FLG: variants seen among roughly 807,000 people sequenced by gnomAD.
The protein encoded by FLG is filaggrin.
FLG carries 6 observed loss-of-function variants against 3.8 expected under a neutral mutation model. That is an observed-to-expected ratio of 1.60 (90% CI 0.87 to 3.15). The LOEUF (loss-of-function observed/expected upper bound fraction) is 3.15. Ranked by LOEUF, FLG falls within the 30% of genes most tolerant of loss-of-function variation. FLG has a pLI of 0.00. For synonymous variants in FLG, 2,551 were observed against 1,931.6 expected, an observed-to-expected ratio of 1.32 and a Z score of -8.41; for missense variants, 7,595 against 5,050.9, an observed-to-expected ratio of 1.50 and a Z score of -15.27.
Position 152,314,620 on chromosome 1 carries a change from G to A in FLG, c.266C>T (p.Thr89Ile), listed in dbSNP as rs1252268984. Residue 89 changes from threonine (T) to isoleucine (I), a missense_variant, in exon 3 of 3, where the codon ACC becomes ATC. Coordinates refer to ENST00000368799, the MANE Select transcript of FLG (RefSeq NM_002016.2). ...TGATATCGGTAAATTCTCTTTTCTG[G>A]TAGACTCATAATATGCTTGAGCCAA... Reference protein sequence around the residue: ...FKLAQAYYESTRKENLPISGH... With the variant: ...FKLAQAYYESIRKENLPISGH... The A allele has an allele frequency of 1.2e-6, 2 of 1,613,706 alleles. No homozygotes were observed. The highest frequency in any genetic ancestry group is 4.5e-5 in the East Asian group (2 of 44,842).
rs1161530805 is a variant in FLG, at chr1:152,309,430, G to A, written c.5456C>T (p.Ser1819Leu). 1.2e-6 allele frequency: 2 copies of A among 1,613,338 alleles called. No individual in the cohort carries two copies. The highest frequency in any genetic ancestry group is 3.3e-5 in the Admixed American group (2 of 59,932). Residue 1819 changes from serine (S) to leucine (L), a missense_variant, in exon 3 of 3, where the codon TCA (serine) becomes TTA (leucine). Ser to Leu is a moderately radical substitution (Grantham distance 145). Coordinates refer to ENST00000368799, the MANE Select transcript of FLG (RefSeq NM_002016.2). ...GQDTIRGHPGSSRGGRQGSHY... is the reference protein window; with the variant it reads ...GQDTIRGHPGLSRGGRQGSHY... Reference sequence around the variant, plus strand: ...GGATCCCTGCCTTCCTCCTCTGCTTGACCCTGGGTGTCCACGAATGGTGTC... The same window carrying A: ...GGATCCCTGCCTTCCTCCTCTGCTTAACCCTGGGTGTCCACGAATGGTGTC...
In FLG at chr1:152,309,743, T is replaced by A. The variant is rs1489237122; in HGVS notation, c.5143A>T (p.Ser1715Cys). The A allele has an allele frequency of 6.2e-7, 1 of 1,614,066 alleles. No homozygotes were observed. Among genetic ancestry groups the A allele is most frequent in the Non-Finnish European group, 8.5e-7 (1 of 1,180,000 alleles). The change falls in exon 3 of 3, where the codon AGT becomes TGT. Residue 1715 changes from serine to cysteine, a missense_variant. Transcript: ENST00000368799. ...VVGDSGNRGS[S>C]GSQASDSEGH... ...TCGCTGTCACTGGCCTGGCTACCAC[T>A]GGACCCTCGGTTTCCACTGTCTCCG... is the stretch of plus-strand genomic sequence containing the variant.
In FLG at chr1:152,314,149, G is replaced by T. The variant is rs368478141; in HGVS notation, c.737C>A (p.Thr246Asn). The part of the protein sequence containing the change: ...YYTIQDEAYD[T>N]TDSLLEENKI... ...GTTTTCTTCTAATAGACTATCAGTGGTGTCATAGGCTTCATCCTGGATTGT... is the reference window on the plus strand; with the variant it reads ...GTTTTCTTCTAATAGACTATCAGTGTTGTCATAGGCTTCATCCTGGATTGT... Residue 246 changes from threonine to asparagine, a missense_variant, in exon 3 of 3, where the codon ACC becomes AAC. By Grantham distance (65) the Thr-to-Asn change is moderately conservative (BLOSUM62 0). Coordinates refer to ENST00000368799, the MANE Select transcript of FLG (RefSeq NM_002016.2). 1.9e-6 allele frequency: 3 copies of T among 1,614,146 alleles called. No individual in the cohort carries two copies. The highest frequency in any genetic ancestry group is 2.5e-6 in the Non-Finnish European group (3 of 1,180,008).
chr1:152,314,354 G>T lies in FLG; in HGVS notation c.532C>A (p.His178Asn), dbSNP rs1322006717. 2 of 1,612,198 alleles carry T rather than the reference G, an allele frequency of 1.2e-6. No individual in the cohort carries two copies. Among genetic ancestry groups the T allele is most frequent in the East Asian group, 2.2e-5 (1 of 44,816 alleles). ...HREEEYGKNHHNSSKKEKNKT... is the reference protein window; with the variant it reads ...HREEEYGKNHNNSSKKEKNKT... ...TTTTTCTCTTTTTTACTTGAGTTAT[G>T]ATGGTTTTTTCCATATTCTTCTTCT... The change falls in exon 3 of 3, where the codon CAT (histidine) becomes AAT (asparagine). Residue 178 changes from histidine to asparagine, a missense_variant. Physicochemically the swap from His to Asn is moderately conservative, Grantham distance 68. Coordinates refer to ENST00000368799, the MANE Select transcript of FLG (RefSeq NM_002016.2).
chr1:152,304,504 C>T lies in FLG; in HGVS notation c.10382G>A (p.Gly3461Glu). The T allele has an allele frequency of 6.2e-7, 1 of 1,612,834 alleles. No homozygotes were observed. Among genetic ancestry groups the T allele is most frequent in the Non-Finnish European group, 8.5e-7 (1 of 1,179,650 alleles). ...EQSVDRSGHS[G>E]SHHSHTTSQG... The stretch of plus-strand genomic sequence containing the variant: ...GGATGTGGTGTGGCTGTGATGGGAC[C>T]CTGAGTGTCCAGACCTATCTACCGA... The change falls in exon 3 of 3, where the codon GGG (glycine) becomes GAG (glutamate). Residue 3461 changes from glycine (G) to glutamate (E), a missense_variant. Transcript: ENST00000368799.
In FLG at chr1:152,302,620, A is replaced by G. The variant is rs1239653793; in HGVS notation, c.*80T>C. 6.4e-7 allele frequency: 1 copy of G among 1,555,684 alleles called. No individual in the cohort carries two copies. Among genetic ancestry groups the G allele is most frequent in the African/African-American group, 1.4e-5 (1 of 73,176 alleles). On this transcript the variant is annotated 3_prime_UTR_variant, in exon 3 of 3. Transcript: ENST00000368799. ...TGACAGGAAAAGATAACTTCCCTGA[A>G]AGTATTATGAAGTTTCTTGATTGAA...
In FLG at chr1:152,312,122, T is replaced by C; in HGVS notation, c.2764A>G (p.Ile922Val). Residue 922 changes from isoleucine (I) to valine (V), a missense_variant, in exon 3 of 3, where the codon ATC becomes GTC. Ile to Val is a conservative substitution (Grantham distance 29). Coordinates refer to ENST00000368799, the MANE Select transcript of FLG (RefSeq NM_002016.2). ...TGGCCTGCCTGTGAGTGTCTAGAGA[T>C]GTCGGCATGAGAGGAAGCTTCATGG... is the stretch of plus-strand genomic sequence containing the variant. Reference protein sequence around the residue: ...RHHEASSHADISRHSQAGQGQ... With the variant: ...RHHEASSHADVSRHSQAGQGQ... The C allele has an allele frequency of 1.2e-6, 2 of 1,614,104 alleles. No individual in the cohort carries two copies. Among genetic ancestry groups the C allele is most frequent in the Non-Finnish European group, 1.7e-6 (2 of 1,180,016 alleles).
chr1:152,307,809 T>C lies in FLG; in HGVS notation c.7077A>G (p.Gly2359=). The change falls in exon 3 of 3, where the codon GGA becomes GGG. Residue 2359 remains glycine (G), a synonymous_variant. Coordinates refer to ENST00000368799, the MANE Select transcript of FLG (RefSeq NM_002016.2). ...CCTGACTACCACTGGACCCTCGGTGTCCACTGTCTCTGACTGCAGATGAAG... is the reference window on the plus strand; with the variant it reads ...CCTGACTACCACTGGACCCTCGGTGCCCACTGTCTCTGACTGCAGATGAAG... The part of the protein sequence containing the change: ...GQASSAVRDS[G]HRGSSGSQAS... 6.2e-7 allele frequency: 1 copy of C among 1,612,974 alleles called. No homozygotes were observed. The highest frequency in any genetic ancestry group is 8.5e-7 in the Non-Finnish European group (1 of 1,179,794).
In FLG at chr1:152,307,847, C is replaced by G. The variant is rs902235973; in HGVS notation, c.7039G>C (p.Gly2347Arg). 3 of 1,612,958 alleles carry G rather than the reference C, an allele frequency of 1.9e-6. No homozygotes were observed. The highest frequency in any genetic ancestry group is 1.3e-5 in the African/African-American group (1 of 74,396). ...ACTGCAGATGAAGCTTGTCCGTGCC[C>G]AATGCCTGAGTGTCTGGAGCTGTCT... ...SADSSRHSGI[G>R]HGQASSAVRD... is the part of the protein sequence containing the mutation. Residue 2347 changes from glycine to arginine, a missense_variant, in exon 3 of 3, where the codon GGG becomes CGG. By Grantham distance (125) the Gly-to-Arg change is moderately radical (BLOSUM62 -2). Transcript: ENST00000368799.
At chr1:152,319,887 GA>G (rs1652900931) in intron 1 of FLG, among the ~76,000 whole-genome samples, 1 of 151,294 alleles carries the variant, frequency 6.6e-6, no homozygotes, top group Non-Finnish European at 1.5e-5. Flanking sequence ...CATATGTGTG[GA>G]AAAATATAGC....
rs3126078 is a variant in FLG, at chr1:152,308,985, G to A, written c.5901C>T (p.His1967=). 1.6e-4 allele frequency: 261 copies of A among 1,614,066 alleles called. No individual in the cohort carries two copies. The Middle Eastern group carries it at 2.1e-3, about 13-fold the overall frequency. The change falls in exon 3 of 3, where the codon CAC becomes CAT. Residue 1967 remains histidine (H), a synonymous_variant. Coordinates refer to ENST00000368799, the MANE Select transcript of FLG (RefSeq NM_002016.2). ...GTCTGGAGCTGTCTGCAGAGTGCCC[G>A]TGACCGGCTCTGTCTTCGTGATGGG... The part of the protein sequence containing the change: ...PGSHHEDRAG[H]GHSADSSRQS...
rs373564521 is a variant in FLG at position 152,304,417 on chromosome 1, C to T, written c.10469G>A (p.Arg3490His). 46 of 1,609,956 alleles carry T rather than the reference C, an allele frequency of 2.9e-5. No homozygotes were observed. The highest frequency in any genetic ancestry group is 3.3e-4 in the Middle Eastern group (2 of 6,060). ...GCCATCTCCTGATTGTTCGTCATTA[C>T]GAGTTTGTCTGCTGGCACTTCTGGA... ...SGSRSASRQT[R>H]NDEQSGDGSR... The change falls in exon 3 of 3, where the codon CGT becomes CAT. Residue 3490 changes from arginine (R) to histidine (H), a missense_variant. Transcript: ENST00000368799.
At position 152,312,250 on chromosome 1, in the gene FLG, C is replaced by A. The variant is rs779375909; in HGVS notation, c.2636G>T (p.Arg879Met). The stretch of plus-strand genomic sequence containing the variant: ...TGACTGCCCACGGGAGGCATCAGAC[C>A]TTCCCTGGGATGTGGTGTGGCTGTG... The part of the protein sequence containing the change: ...SHHSHTTSQG[R>M]SDASRGQSGS... The change falls in exon 3 of 3, where the codon AGG becomes ATG. Residue 879 changes from arginine to methionine, a missense_variant. By Grantham distance (91) the Arg-to-Met change is moderately conservative. Coordinates refer to ENST00000368799, the MANE Select transcript of FLG (RefSeq NM_002016.2). The A allele has an allele frequency of 4.0e-5, 64 of 1,613,666 alleles. No individual in the cohort carries two copies. The highest frequency in any genetic ancestry group is 1.3e-4 in the Admixed American group (8 of 59,964).
At position 152,307,437 on chromosome 1, in the gene FLG, A is replaced by G. The variant is rs776377243; in HGVS notation, c.7449T>C (p.Asp2483=). Residue 2483 remains aspartate, a synonymous_variant, in exon 3 of 3, where the codon GAT becomes GAC. Transcript: ENST00000368799. ...RQGSHYEQLV[D]RSGHSGSHHS... is the part of the protein sequence containing the mutation. ...GATGAGACCCTGAGTGTCCAGATCTATCTACCAATTGCTCGTAGTGGGATC... is the reference window on the plus strand; with the variant it reads ...GATGAGACCCTGAGTGTCCAGATCTGTCTACCAATTGCTCGTAGTGGGATC... The G allele has an allele frequency of 3.9e-5, 63 of 1,612,894 alleles. No homozygotes were observed. The highest frequency in any genetic ancestry group is 5.3e-5 in the Non-Finnish European group (63 of 1,179,680).
chr1:152,311,919 G>C lies in FLG; in HGVS notation c.2967C>G (p.His989Gln), dbSNP rs200467094. Residue 989 changes from histidine (H) to glutamine (Q), a missense_variant, in exon 3 of 3, where the codon CAC becomes CAG. Physicochemically the swap from His to Gln is conservative, Grantham distance 24 (BLOSUM62 0). Coordinates refer to ENST00000368799, the MANE Select transcript of FLG (RefSeq NM_002016.2). ...AGTGCCCGTGACCGGCTCTGTCTTC[G>C]TGATGGGACCTGGGGTGTCTGGAGC... ...RHGSRHPRSH[H>Q]EDRAGHGHSA... 4.3e-6 allele frequency: 7 copies of C among 1,613,950 alleles called. No individual in the cohort carries two copies. Among genetic ancestry groups the C allele is most frequent in the Middle Eastern group, 1.6e-4 (1 of 6,084 alleles).
rs1651963444 is a variant in FLG at position 152,306,304 on chromosome 1, G to C, written c.8582C>G (p.Ala2861Gly). ...TCTAGAGATGTCGGCATGAGTGGAAGCTTCATGGTGACGCGACCCTGAGTG... is the reference window on the plus strand; with the variant it reads ...TCTAGAGATGTCGGCATGAGTGGAACCTTCATGGTGACGCGACCCTGAGTG... ...SRHSGSRHHE[A>G]STHADISRHS... is the part of the protein sequence containing the mutation. Residue 2861 changes from alanine to glycine, a missense_variant, in exon 3 of 3, where the codon GCT becomes GGT. Coordinates refer to ENST00000368799, the MANE Select transcript of FLG (RefSeq NM_002016.2). 1.2e-6 allele frequency: 2 copies of C among 1,603,740 alleles called. No homozygotes were observed. Among genetic ancestry groups the C allele is most frequent in the East Asian group, 4.5e-5 (2 of 44,900 alleles).
rs1226513385 is a variant in FLG, at chr1:152,304,674, C to T, written c.10212G>A (p.Arg3404=). Residue 3404 remains arginine (R), a synonymous_variant, in exon 3 of 3, where the codon AGG becomes AGA. Coordinates refer to ENST00000368799, the MANE Select transcript of FLG (RefSeq NM_002016.2). ...EQSESAHGRT[R]TSTGRRQGSH... is the part of the protein sequence containing the mutation. ...ATCCTTGTCTTCGTCCAGTGCTGGT[C>T]CTGGTCCGCCCATGGGCAGACTCAG... 2 of 1,611,966 alleles carry T rather than the reference C, an allele frequency of 1.2e-6. No homozygotes were observed. The highest frequency in any genetic ancestry group is 1.7e-5 in the Admixed American group (1 of 59,848).
rs144041205 is a variant in FLG at position 152,305,635 on chromosome 1, C to G, written c.9251G>C (p.Arg3084Thr). ...SSHGWTGPST[R>T]GRQGSRHEQA... The stretch of plus-strand genomic sequence containing the variant: ...CTCATGGCGGGATCCTTGTCTTCCT[C>G]TAGTGCTGGGCCCCGTCCATCCATG... The change falls in exon 3 of 3, where the codon AGA becomes ACA. Residue 3084 changes from arginine (R) to threonine (T), a missense_variant. Physicochemically the swap from Arg to Thr is moderately conservative, Grantham distance 71. Transcript: ENST00000368799. The G allele has an allele frequency of 8.2e-6, 12 of 1,472,060 alleles. 1 individual carries two copies. The highest frequency in any genetic ancestry group is 9.9e-6 in the Non-Finnish European group (11 of 1,108,920). 91.2% of individuals were successfully genotyped at this position (1,472,060 alleles called of 1,614,324 possible).
chr1:152,305,364 G>T lies in FLG; in HGVS notation c.9522C>A (p.Ser3174Arg). The change falls in exon 3 of 3, where the codon AGC becomes AGA. Residue 3174 changes from serine to arginine, a missense_variant. Coordinates refer to ENST00000368799, the MANE Select transcript of FLG (RefSeq NM_002016.2). ...TTRNEEQSGD[S>R]SRHSVSRHHE... ...GGTGACGTGACACTGAGTGCCTGGA[G>T]CTGTCTCCTGATTGTTCCTCATTAC... is the stretch of plus-strand genomic sequence containing the variant. The T allele has an allele frequency of 1.2e-6, 2 of 1,608,904 alleles. No individual in the cohort carries two copies. The highest frequency in any genetic ancestry group is 2.3e-5 in the East Asian group (1 of 44,322).
Sources: gnomAD v4.1 joint callset for allele counts (sites outside exome capture counted in the v4.1 genomes callset) on GRCh38, gnomAD v4.1.1 for gene constraint, MANE v1.5 for transcripts, NCBI Gene and HGNC (gene_info 2026-07-23, HGNC 2026-07-21) for gene names.